Variants in CTNND2 observed in about 807,000 individuals in gnomAD.
CTNND2 encodes the protein catenin delta 2.
A neutral mutation model predicts 144.4 loss-of-function variants in CTNND2; 22 were observed. That is an observed-to-expected ratio of 0.15 (90% CI 0.11 to 0.22). The LOEUF (loss-of-function observed/expected upper bound fraction) is 0.22, where lower values mean the gene tolerates loss of function less well. CTNND2 is among the 10% of genes least tolerant of loss of function. CTNND2 has a pLI of 1.00. For synonymous variants in CTNND2, 751 were observed against 695.6 expected (o/e 1.08, Z -1.25); for missense variants, 1,353 against 1,618.8 (o/e 0.84, Z 2.82).
intron 2 of CTNND2, among the ~76,000 whole-genome samples, chr5:11,629,561 A>G (rs1437827164): frequency 3.3e-5 from 5 of 152,244 alleles, no homozygotes; most frequent in Non-Finnish European, 7.3e-5. Flanking sequence ...ATAAACAGCC[A>G]AAGATGGAGT....
At chr5:11,742,711 A>T (rs978042034) in intron 1 of CTNND2, among the ~76,000 whole-genome samples, 11 of 152,194 alleles carry the variant, frequency 7.2e-5, no homozygotes, top group African/African-American at 2.2e-4. Context: ...TGAATGTTTT[A>T]AAAATTTACA....
At chr5:11,600,625 G>C (rs1483597626) in intron 2 of CTNND2, among the ~76,000 whole-genome samples, 1 of 145,122 alleles carries the variant, frequency 6.9e-6, no homozygotes, top group African/African-American at 2.6e-5. Context: ...AGAATTGCTT[G>C]AACCTGGGAG....
At chr5:11,094,039 T>C (rs796344166) in intron 15 of CTNND2, among the ~76,000 whole-genome samples, 13 of 152,330 alleles carry the variant, frequency 8.5e-5, no homozygotes, top group African/African-American at 2.9e-4. Context: ...CTGATCCCTA[T>C]ATGTGTACTT....
chr5:11,777,955 G>T (rs1005311588), intron 1 of CTNND2, among the ~76,000 whole-genome samples: 12 of 152,070 alleles, frequency 7.9e-5, no homozygotes, highest in Non-Finnish European at 1.3e-4. Context: ...CAGAATAAAA[G>T]ATTTTTTGGA....
chr5:11,572,865 TA>T (rs981660741), intron 2 of CTNND2, among the ~76,000 whole-genome samples: 3 of 152,210 alleles, frequency 2.0e-5, no homozygotes, highest in Non-Finnish European at 2.9e-5. Flanking sequence ...TGAATGGTTT[TA>T]TGGAGTCTGA....
intron 9 of CTNND2, among the ~76,000 whole-genome samples, chr5:11,301,738 C>T (rs1383746143): frequency 6.6e-6 from 1 of 152,202 alleles, no homozygotes; most frequent in South Asian, 2.1e-4. Context: ...TTAAGACATA[C>T]ATTTTTATAC....
chr5:11,624,451 C>T (rs992776289), intron 2 of CTNND2, among the ~76,000 whole-genome samples: 7 of 152,024 alleles, frequency 4.6e-5, no homozygotes, highest in African/African-American at 7.2e-5. Context: ...TACAAAAGAG[C>T]GCACAGAATT....
Position 11,499,180 on chromosome 5 carries a change from A to G in CTNND2, c.287+65764T>C, listed in dbSNP as rs370252571. Among the ~76,000 whole-genome samples the G allele has an allele frequency of 4.9e-4, 75 of 152,300 alleles. 1 individual carries two copies. The highest frequency in any genetic ancestry group is 5.9e-5 in the Non-Finnish European group (4 of 68,026). The stretch of plus-strand genomic sequence containing the variant: ...GAAAATCTAGTAAAGCCTATGAACT[A>G]CCTGGCCAGAAAAAATTTCAAGTTA... On this transcript the variant is annotated intron_variant, in intron 3 of 21. Transcript: ENST00000304623.
chr5:11,336,694 CATAG>C (rs1185749924), intron 9 of CTNND2, among the ~76,000 whole-genome samples: 1 of 152,106 alleles, frequency 6.6e-6, no homozygotes, highest in Non-Finnish European at 1.5e-5. Flanking sequence ...ACACATACTA[CATAG>C]ATACATATAC....
intron 3 of CTNND2, among the ~76,000 whole-genome samples, chr5:11,421,142 A>G (rs1762330673): frequency 6.6e-6 from 1 of 152,128 alleles, no homozygotes; most frequent in Non-Finnish European, 1.5e-5. Flanking sequence ...TTCCATGCTA[A>G]ATGATGCTCC....
chr5:11,278,469 T>C (rs189758756), intron 9 of CTNND2, among the ~76,000 whole-genome samples: 8 of 152,162 alleles, frequency 5.3e-5, no homozygotes, highest in Admixed American at 5.2e-4. Flanking sequence ...CATCAAAGCA[T>C]GTTGGGCAGC....
intron 2 of CTNND2, among the ~76,000 whole-genome samples, chr5:11,633,531 A>T (rs1781516562): frequency 6.6e-6 from 1 of 152,296 alleles, no homozygotes; most frequent in Middle Eastern, 3.4e-3. Context: ...TAATCCCTGC[A>T]CTTTGGGAGG....
At chr5:10,978,740 C>T (rs1736829378) in intron 21 of CTNND2, among the ~76,000 whole-genome samples, 1 of 152,190 alleles carries the variant, frequency 6.6e-6, no homozygotes, top group African/African-American at 2.4e-5. Context: ...GGCCCAGTGG[C>T]CTTGGTGTTT....
At chr5:11,150,543 A>G (rs1372367937) in intron 12 of CTNND2, among the ~76,000 whole-genome samples, 1 of 151,506 alleles carries the variant, frequency 6.6e-6, no homozygotes. Context: ...AGCGCAGTGC[A>G]GCACAGATAG....
At chr5:11,480,999 T>C (rs749103228) in intron 3 of CTNND2, among the ~76,000 whole-genome samples, 1 of 152,094 alleles carries the variant, frequency 6.6e-6, no homozygotes, top group African/African-American at 2.4e-5. Context: ...ATATTTTGAA[T>C]TAACTGGAAA....
intron 1 of CTNND2, among the ~76,000 whole-genome samples, chr5:11,858,392 G>C (rs543724668): frequency 1.4e-4 from 22 of 152,288 alleles, no homozygotes; most frequent in African/African-American, 5.1e-4. Flanking sequence ...ATGACAGAAA[G>C]AACTTGGAAG....
chr5:11,198,670 A>G (rs61751784), intron 11 of CTNND2, among the ~76,000 whole-genome samples: 1,586 of 152,342 alleles, frequency 0.01, 9 homozygotes, highest in Admixed American at 0.016. Flanking sequence ...TGAAAACCAA[A>G]TATCACCTAG....
intron 16 of CTNND2, among the ~76,000 whole-genome samples, chr5:11,039,592 C>G (rs1248701544): frequency 6.6e-6 from 1 of 152,016 alleles, no homozygotes; most frequent in Non-Finnish European, 1.5e-5. Context: ...TATAATCTGC[C>G]TGTTGTTTTA....
At chr5:11,263,828 G>A (rs952791231) in intron 9 of CTNND2, among the ~76,000 whole-genome samples, 3 of 152,154 alleles carry the variant, frequency 2.0e-5, no homozygotes, top group African/African-American at 7.2e-5. Context: ...ACACACTCCA[G>A]TTTGTGCATG....
Sources: gnomAD v4.1 joint callset for allele counts (sites outside exome capture counted in the v4.1 genomes callset) on GRCh38, gnomAD v4.1.1 for gene constraint, MANE v1.5 for transcripts, NCBI Gene and HGNC (gene_info 2026-07-23, HGNC 2026-07-21) for gene names.